Variants in TNS1 observed in about 807,000 individuals in gnomAD.
TNS1 encodes tensin-1.
Under a neutral mutation model 168.6 loss-of-function variants are expected in TNS1, and 62 were observed. That is an observed-to-expected ratio of 0.37 (90% CI 0.30 to 0.45). TNS1 has a LOEUF of 0.45. Ranked by LOEUF, TNS1 falls within the 20% of genes least tolerant of loss-of-function variation. TNS1 has a pLI of 1.00. For missense variants in TNS1, 2,240 were observed against 2,339.4 expected (o/e 0.96, Z 0.88); for synonymous variants, 934 against 933.2 (o/e 1.00, Z -0.02).
Position 217,809,952 on chromosome 2 carries a change from G to A in TNS1, c.5144C>T (p.Ser1715Leu). ...VLFVNSVDMESLTGPQAISKA... is the reference protein window; with the variant it reads ...VLFVNSVDMELLTGPQAISKA... ...AGAGATGGCCTGTGGCCCAGTGAGT[G>A]ACTCCATGTCCACAGAGTTGACGAA... Residue 1715 changes from serine to leucine, a missense_variant, in exon 30 of 33, where the codon TCA (serine) becomes TTA (leucine). Coordinates refer to ENST00000682258, the MANE Select transcript of TNS1 (RefSeq NM_001387777.1). The A allele has an allele frequency of 6.2e-7, 1 of 1,612,302 alleles. No homozygotes were observed. The highest frequency in any genetic ancestry group is 1.1e-5 in the South Asian group (1 of 91,024).
intron 1 of TNS1, among the ~76,000 whole-genome samples, chr2:218,030,161 G>A (rs1196876426): frequency 6.6e-6 from 1 of 152,130 alleles, no homozygotes; most frequent in African/African-American, 2.4e-5. Context: ...CACACAGCAT[G>A]TGTGCTAGGG....
intron 3 of TNS1, among the ~76,000 whole-genome samples, chr2:217,960,809 C>T (rs1009471427): frequency 4.6e-5 from 7 of 152,090 alleles, no homozygotes; most frequent in Admixed American, 3.9e-4. Context: ...AGCTGCAGTT[C>T]GATCTGTTTC....
intron 1 of TNS1, among the ~76,000 whole-genome samples, chr2:217,997,731 C>T (rs543724068): frequency 6.6e-6 from 1 of 152,224 alleles, no homozygotes; most frequent in Non-Finnish European, 1.5e-5. Context: ...CTCCCATAGG[C>T]TGTTGTGAGG....
chr2:217,885,463 T>C (rs1951103323), intron 15 of TNS1, among the ~76,000 whole-genome samples: 1 of 152,200 alleles, frequency 6.6e-6, no homozygotes, highest in Admixed American at 6.5e-5. Flanking sequence ...GAACTGAAGC[T>C]AGAATTCAGA....
chr2:217,967,458 G>A (rs1277659649), intron 3 of TNS1, among the ~76,000 whole-genome samples: 1 of 152,072 alleles, frequency 6.6e-6, no homozygotes, highest in Non-Finnish European at 1.5e-5. Flanking sequence ...AAAGAAAGAA[G>A]ACTCAAATTA....
rs139501436 is a variant in TNS1, at chr2:217,927,221, A to C, written c.187-6985T>G. Among the ~76,000 whole-genome samples the C allele has an allele frequency of 2.6e-5, 4 of 152,324 alleles. No individual in the cohort carries two copies. The East Asian group carries it at 7.7e-4, about 29-fold the overall frequency. ...ATTTGGGGGTAGGAATTACACATTAAAAAGGCATGGAGGTGGGAATGCTTG... is the reference window on the plus strand; with the variant it reads ...ATTTGGGGGTAGGAATTACACATTACAAAGGCATGGAGGTGGGAATGCTTG... On this transcript the variant is annotated intron_variant, in intron 3 of 32. Coordinates refer to ENST00000682258, the MANE Select transcript of TNS1 (RefSeq NM_001387777.1).
At chr2:217,843,120 TCAGAA>T (rs1166468082) in intron 19 of TNS1, among the ~76,000 whole-genome samples, 1 of 142,394 alleles carries the variant, frequency 7.0e-6, no homozygotes, top group Non-Finnish European at 1.5e-5. Flanking sequence ...TCTCCTATTT[TCAGAA>T]CAAAATGTAA....
intron 12 of TNS1, among the ~76,000 whole-genome samples, chr2:217,887,592 G>T (rs548768669): frequency 6.6e-6 from 1 of 152,310 alleles, no homozygotes; most frequent in Admixed American, 6.5e-5. Flanking sequence ...ACAGGTGTGA[G>T]CCACCGCACC....
chr2:217,942,494 T>A (rs1321193504), intron 3 of TNS1, among the ~76,000 whole-genome samples: 1 of 152,134 alleles, frequency 6.6e-6, no homozygotes, highest in Non-Finnish European at 1.5e-5. Context: ...GTGCCCCAGC[T>A]ATAGCAAGTA....
chr2:217,866,878 T>G (rs895594188), intron 18 of TNS1, among the ~76,000 whole-genome samples: 2 of 152,096 alleles, frequency 1.3e-5, no homozygotes, highest in Non-Finnish European at 2.9e-5. Flanking sequence ...CCACTTTAAC[T>G]CAGTTCCTAT....
intron 3 of TNS1, 39 bp downstream of exon 3, chr2:217,978,726 C>T (rs1006098667): frequency 1.4e-6 from 1 of 701,584 alleles, no homozygotes; most frequent in Admixed American, 2.0e-5. Flanking sequence ...CCAGGCCTGT[C>T]CCAAGTCCTC....
intron 1 of TNS1, among the ~76,000 whole-genome samples, chr2:218,030,947 GTGTA>G (rs2106016995): frequency 6.6e-6 from 1 of 152,266 alleles, no homozygotes; most frequent in South Asian, 2.1e-4. Context: ...AAGTATGAGT[GTGTA>G]TGTGTGTGAG....
At chr2:218,010,407 GC>G (rs1462878892) in exon 1 of TNS1, 1 of 386,330 alleles carries the variant, frequency 2.6e-6, no homozygotes, top group Non-Finnish European at 4.6e-6. Context: ...CCGCGGCGCG[GC>G]CCGGACTGGG....
chr2:217,867,395 A>G lies in TNS1; in HGVS notation c.1429+13503T>C, dbSNP rs145553868. ...TATGTGCAACGCCATTCACTGCAGC[A>G]TTTTTTTGGAAACAGCAAAAGATTG... On this transcript the variant is annotated intron_variant, in intron 18 of 32. Coordinates refer to ENST00000682258, the MANE Select transcript of TNS1 (RefSeq NM_001387777.1). Among the ~76,000 whole-genome samples the G allele has an allele frequency of 1.7e-3, 255 of 152,272 alleles. 1 individual carries two copies. Among genetic ancestry groups the G allele is most frequent in the African/African-American group, 5.8e-3 (243 of 41,540 alleles).
chr2:218,014,909 AAGGAAGGAAGGAAGGCAGGCAGGCAGGC>A (rs1347384122), upstream of TNS1, among the ~76,000 whole-genome samples: 9 of 97,136 alleles, frequency 9.3e-5, no homozygotes, highest in Admixed American at 4.5e-4. Flanking sequence ...GGAAGGAAGG[AAGGAAGGAAGGAAGGCAGGCAGGCAGGC>A]AGGCAGGCAG....
intron 30 of TNS1, among the ~76,000 whole-genome samples, chr2:217,809,491 GCAT>G (rs1940286347): frequency 3.9e-5 from 1 of 25,460 alleles, no homozygotes; most frequent in African/African-American, 1.9e-4. Flanking sequence ...ATGGATGGAT[GCAT>G]GGATGGATGC....
At position 217,836,032 on chromosome 2, in the gene TNS1, C is replaced by A; in HGVS notation, c.3187G>T (p.Gly1063Ter). Residue 1063 changes from glycine to a stop codon, truncating the protein, a stop_gained, in exon 20 of 33, where the codon GGA becomes TGA. Coordinates refer to ENST00000682258, the MANE Select transcript of TNS1 (RefSeq NM_001387777.1). LOFTEE classifies it high-confidence loss of function. ...ELALTIALNP[G>*]GRPKEPHLHS... ...GGACTCACCTCTTTGGGCCGCCCTC[C>A]AGGATTGAGAGCGATGGTAAGAGCC... The A allele has an allele frequency of 6.2e-7, 1 of 1,613,682 alleles. No homozygotes were observed. Among genetic ancestry groups the A allele is most frequent in the Non-Finnish European group, 8.5e-7 (1 of 1,179,672 alleles).
intron 1 of TNS1, among the ~76,000 whole-genome samples, chr2:218,019,094 C>CAA (rs111392370): frequency 1.5e-3 from 215 of 146,566 alleles, no homozygotes; most frequent in African/African-American, 4.9e-3. Flanking sequence ...AAAGAAAAAA[C>CAA]AAAAAAAAAA....
At chr2:217,967,662 T>G (rs1456380451) in intron 3 of TNS1, among the ~76,000 whole-genome samples, 1 of 152,160 alleles carries the variant, frequency 6.6e-6, no homozygotes, top group African/African-American at 2.4e-5. Flanking sequence ...GAAATTGAAC[T>G]GGCAATCAAA....
Sources: gnomAD v4.1 joint callset for allele counts (sites outside exome capture counted in the v4.1 genomes callset) on GRCh38, gnomAD v4.1.1 for gene constraint, MANE v1.5 for transcripts, NCBI Gene and HGNC (gene_info 2026-07-23, HGNC 2026-07-21) for gene names.